APOBEC3C: variants seen among roughly 807,000 people sequenced by gnomAD.
APOBEC3C encodes DNA dC->dU-editing enzyme APOBEC-3C.
APOBEC3C carries 14 observed loss-of-function variants against 20.6 expected under a neutral mutation model. The ratio of observed to expected loss-of-function variants is 0.68; its 90% CI spans 0.45 to 1.06. APOBEC3C has a LOEUF of 1.06. Ranked by LOEUF, APOBEC3C falls within the 50% of genes least tolerant of loss-of-function variation. The probability of loss-of-function intolerance (pLI) is 0.00; values close to 1 mark genes in which losing one functional copy is unlikely to be tolerated. For missense variants in APOBEC3C, 244 were observed against 241.9 expected, an observed-to-expected ratio of 1.01 and a Z score of -0.06; for synonymous variants, 98 against 88.8, an observed-to-expected ratio of 1.10 and a Z score of -0.58.
rs1173247788 is a variant in APOBEC3C at position 39,014,337 on chromosome 22, G to A, written c.-26G>A. On this transcript the variant is annotated 5_prime_UTR_variant, in exon 1 of 4. Transcript: ENST00000361441. ...AGCGCTTCAGAAAAGAGTGGGACAG[G>A]GACAAGCATATCTAAGAGGCTGAAC... 1 of 1,614,154 alleles carries A rather than the reference G, an allele frequency of 6.2e-7. No individual in the cohort carries two copies. The highest frequency in any genetic ancestry group is 1.1e-5 in the South Asian group (1 of 91,082).
intron 1 of APOBEC3C, 36 bp from the exon 2 acceptor site, chr22:39,015,559 G>C: frequency 6.2e-7 from 1 of 1,606,636 alleles, no homozygotes; most frequent in Non-Finnish European, 8.5e-7. Flanking sequence ...CCGGTGCGGG[G>C]GTCTCTGCAT....
Position 39,015,656 on chromosome 22 carries a change from G to A in APOBEC3C, c.79G>A (p.Ala27Thr). 3 of 1,614,146 alleles carry A rather than the reference G, an allele frequency of 1.9e-6. No homozygotes were observed. Among genetic ancestry groups the A allele is most frequent in the Non-Finnish European group, 2.5e-6 (3 of 1,180,032 alleles). The change falls in exon 2 of 4, where the codon GCC becomes ACC. Residue 27 changes from alanine to threonine, a missense_variant. Physicochemically the swap from Ala to Thr is moderately conservative, Grantham distance 58. Transcript: ENST00000361441. ...CTTCCAATTTAAAAACCTATGGGAA[G>A]CCAACGATCGGAACGAAACTTGGCT... ...FYFQFKNLWE[A>T]NDRNETWLCF...
rs367840996 is a variant in APOBEC3C at position 39,015,600 on chromosome 22, C to T, written c.23C>T (p.Pro8Leu). The change falls in exon 2 of 4, where the codon CCG (proline) becomes CTG (leucine). Residue 8 changes from proline to leucine, a missense_variant. Coordinates refer to ENST00000361441, the MANE Select transcript of APOBEC3C (RefSeq NM_014508.3). MNPQIRNPMKAMYPGTFY... is the reference protein window; with the variant it reads MNPQIRNLMKAMYPGTFY... Reference sequence around the variant, plus strand: ...TTTCTCTCTTGTGCCTTCAGAAACCCGATGAAGGCAATGTATCCAGGCACA... The same window carrying T: ...TTTCTCTCTTGTGCCTTCAGAAACCTGATGAAGGCAATGTATCCAGGCACA... The T allele has an allele frequency of 2.4e-5, 39 of 1,613,562 alleles. No individual in the cohort carries two copies. Among genetic ancestry groups the T allele is most frequent in the Non-Finnish European group, 3.2e-5 (38 of 1,179,782 alleles).
At chr22:39,015,842 C>G in intron 2 of APOBEC3C, 91 bp downstream of exon 2, 3 of 1,311,964 alleles carry the variant, frequency 2.3e-6, no homozygotes, top group Middle Eastern at 2.8e-4. Context: ...CCGGCGTGGG[C>G]TCTCCTGTGT....
Position 39,018,342 on chromosome 22 carries a change from C to A in APOBEC3C, c.528C>A (p.Thr176=). 6.2e-7 allele frequency: 1 copy of A among 1,614,106 alleles called. No individual in the cohort carries two copies. Among genetic ancestry groups the A allele is most frequent in the South Asian group, 1.1e-5 (1 of 91,076 alleles). Residue 176 remains threonine, a synonymous_variant, in exon 4 of 4, where the codon ACC becomes ACA. Coordinates refer to ENST00000361441, the MANE Select transcript of APOBEC3C (RefSeq NM_014508.3). ...EPFKPWKGLK[T]NFRLLKRRLR... ...TCAAGCCTTGGAAGGGATTAAAAAC[C>A]AACTTTCGACTTCTGAAAAGAAGGC... is the stretch of plus-strand genomic sequence containing the variant.
rs5757424 is a variant in APOBEC3C, at chr22:39,019,775, A to G, written c.*1388A>G. 0.32 allele frequency: 45,479 copies of G among 141,200 alleles called. 7,301 individuals are homozygous for G. Among genetic ancestry groups the G allele is most frequent in the South Asian group, 0.4 (1,803 of 4,470 alleles). The allele number at this position is 141,200 out of a possible 1,614,324, so 8.7% of individuals were successfully genotyped here. The stretch of plus-strand genomic sequence containing the variant: ...TCCTCTATGCACACGCACCTCTGGG[A>G]TCTCTCTGCCTCCAAATATCATCTT... On this transcript the variant is annotated 3_prime_UTR_variant, in exon 4 of 4. Transcript: ENST00000361441.
In APOBEC3C at chr22:39,014,384, C is replaced by G; in HGVS notation, c.17+5C>G. On this transcript the variant is annotated splice_donor_5th_base_variant and intron_variant, in intron 1 of 3. Coordinates refer to ENST00000361441, the MANE Select transcript of APOBEC3C (RefSeq NM_014508.3). ...GAACATGAATCCACAGATCAGGTAC[C>G]TCTGCACGCTTTGTCCGCCAGGCCC... The G allele has an allele frequency of 6.2e-7, 1 of 1,614,142 alleles. No individual in the cohort carries two copies. Among genetic ancestry groups the G allele is most frequent in the Non-Finnish European group, 8.5e-7 (1 of 1,180,000 alleles).
intron 2 of APOBEC3C, among the ~76,000 whole-genome samples, chr22:39,017,564 T>C (rs1924831383): frequency 6.6e-6 from 1 of 152,072 alleles, no homozygotes; most frequent in South Asian, 2.1e-4. Flanking sequence ...TCCTTGAGCC[T>C]GGGAGGTCAA....
At chr22:39,014,449 G>GC in intron 1 of APOBEC3C, 70 bp downstream of exon 1, 1 of 1,604,686 alleles carries the variant, frequency 6.2e-7, no homozygotes, top group Non-Finnish European at 8.5e-7. Context: ...CTGGGCCTCA[G>GC]CCCTGGCCTC....
intron 2 of APOBEC3C, among the ~76,000 whole-genome samples, chr22:39,016,712 G>C (rs1251087323): frequency 6.6e-6 from 1 of 152,206 alleles, no homozygotes; most frequent in Non-Finnish European, 1.5e-5. Flanking sequence ...TGGGAAGCGG[G>C]GGGTGTTGTG....
At chr22:39,016,962 G>A (rs900497026) in intron 2 of APOBEC3C, among the ~76,000 whole-genome samples, 14 of 152,226 alleles carry the variant, frequency 9.2e-5, no homozygotes, top group African/African-American at 3.1e-4. Context: ...GGCACGGCGC[G>A]GTGGCTCATG....
In APOBEC3C at chr22:39,018,373, G is replaced by T; in HGVS notation, c.559G>T (p.Glu187Ter). 6.2e-7 allele frequency: 1 copy of T among 1,613,950 alleles called. No homozygotes were observed. Among genetic ancestry groups the T allele is most frequent in the Non-Finnish European group, 8.5e-7 (1 of 1,179,916 alleles). Residue 187 changes from glutamate to a stop codon, truncating the protein, a stop_gained, in exon 4 of 4, where the codon GAG (glutamate) becomes TAG (stop). Coordinates refer to ENST00000361441, the MANE Select transcript of APOBEC3C (RefSeq NM_014508.3). LOFTEE classifies it high-confidence loss of function. ...NFRLLKRRLR[E>*]SLQ Reference sequence around the variant, plus strand: ...TCGACTTCTGAAAAGAAGGCTACGGGAGAGTCTCCAGTGAGGGGTCTCCCT... The same window carrying T: ...TCGACTTCTGAAAAGAAGGCTACGGTAGAGTCTCCAGTGAGGGGTCTCCCT...
chr22:39,015,183 C>T (rs917935344), intron 1 of APOBEC3C, among the ~76,000 whole-genome samples: 1 of 151,872 alleles, frequency 6.6e-6, no homozygotes, highest in South Asian at 2.1e-4. Context: ...TCTGTAATCC[C>T]AGCTACTTGG....
At position 39,014,389 on chromosome 22, in the gene APOBEC3C, C is replaced by A; in HGVS notation, c.17+10C>A. 6.2e-7 allele frequency: 1 copy of A among 1,614,140 alleles called. No individual in the cohort carries two copies. Among genetic ancestry groups the A allele is most frequent in the Non-Finnish European group, 8.5e-7 (1 of 1,180,022 alleles). On this transcript the variant is annotated intron_variant, in intron 1 of 3. Coordinates refer to ENST00000361441, the MANE Select transcript of APOBEC3C (RefSeq NM_014508.3). ...TGAATCCACAGATCAGGTACCTCTG[C>A]ACGCTTTGTCCGCCAGGCCCCTCCT... is the stretch of plus-strand genomic sequence containing the variant.
chr22:39,018,398 TG>T lies in APOBEC3C; in HGVS notation c.*14del, dbSNP rs773164498. Reference sequence around the variant, plus strand: ...GAGAGTCTCCAGTGAGGGGTCTCCCTGGGCCTCATGGTCTGTCTCCTCTAGC... The same window carrying T: ...GAGAGTCTCCAGTGAGGGGTCTCCCTGGCCTCATGGTCTGTCTCCTCTAGC... On this transcript the variant is annotated 3_prime_UTR_variant, in exon 4 of 4. Coordinates refer to ENST00000361441, the MANE Select transcript of APOBEC3C (RefSeq NM_014508.3). The T allele has an allele frequency of 5.0e-6, 8 of 1,611,472 alleles. No homozygotes were observed. In the East Asian group the frequency reaches 1.8e-4, roughly 36 times the overall value.
chr22:39,014,383 C>CCTCT lies in APOBEC3C; in HGVS notation c.17+5_17+8dup. On this transcript the variant is annotated splice_donor_region_variant and intron_variant, in intron 1 of 3. Coordinates refer to ENST00000361441, the MANE Select transcript of APOBEC3C (RefSeq NM_014508.3). ...TGAACATGAATCCACAGATCAGGTA[C>CCTCT]CTCTGCACGCTTTGTCCGCCAGGCC... 1 of 1,614,166 alleles carries CCTCT rather than the reference C, an allele frequency of 6.2e-7. No individual in the cohort carries two copies. Among genetic ancestry groups the CCTCT allele is most frequent in the Non-Finnish European group, 8.5e-7 (1 of 1,180,014 alleles).
At position 39,015,675 on chromosome 22, in the gene APOBEC3C, C is replaced by G. The variant is rs1924754461; in HGVS notation, c.98C>G (p.Thr33Ser). ...NLWEANDRNETWLCFTVEGIK... is the reference protein window; with the variant it reads ...NLWEANDRNESWLCFTVEGIK... ...TGGGAAGCCAACGATCGGAACGAAA[C>G]TTGGCTGTGCTTCACCGTGGAAGGT... The change falls in exon 2 of 4, where the codon ACT becomes AGT. Residue 33 changes from threonine to serine, a missense_variant. Transcript: ENST00000361441. The G allele has an allele frequency of 6.2e-7, 1 of 1,614,134 alleles. No homozygotes were observed.
Position 39,015,711 on chromosome 22 carries a change from G to A in APOBEC3C, c.134G>A (p.Arg45His), listed in dbSNP as rs376538641. 53 of 1,613,934 alleles carry A rather than the reference G, an allele frequency of 3.3e-5. No homozygotes were observed. Among genetic ancestry groups the A allele is most frequent in the African/African-American group, 8.0e-5 (6 of 74,882 alleles). ...TTCACCGTGGAAGGTATAAAGCGCCGCTCAGTTGTCTCCTGGAAGACGGGC... is the reference window on the plus strand; with the variant it reads ...TTCACCGTGGAAGGTATAAAGCGCCACTCAGTTGTCTCCTGGAAGACGGGC... ...LCFTVEGIKR[R>H]SVVSWKTGVF... The change falls in exon 2 of 4, where the codon CGC becomes CAC. Residue 45 changes from arginine to histidine, a missense_variant. Transcript: ENST00000361441.
rs908247693 is a variant in APOBEC3C, at chr22:39,017,967, T to C, written c.376T>C (p.Phe126Leu). The C allele has an allele frequency of 1.2e-6, 2 of 1,614,074 alleles. No homozygotes were observed. Among genetic ancestry groups the C allele is most frequent in the Admixed American group, 1.7e-5 (1 of 60,000 alleles). Residue 126 changes from phenylalanine to leucine, a missense_variant, in exon 3 of 4, where the codon TTC becomes CTC. Phe to Leu is a conservative substitution (Grantham distance 22, BLOSUM62 0). Transcript: ENST00000361441. The part of the protein sequence containing the change: ...LTIFTARLYY[F>L]QYPCYQEGLR... ...CATCTTCACCGCCCGCCTCTACTACTTCCAGTATCCATGTTACCAGGAGGG... is the reference window on the plus strand; with the variant it reads ...CATCTTCACCGCCCGCCTCTACTACCTCCAGTATCCATGTTACCAGGAGGG...
Sources: allele counts gnomAD v4.1 joint callset (sites outside exome capture counted in the v4.1 genomes callset), GRCh38; gene constraint gnomAD v4.1.1; transcripts MANE v1.5; gene names NCBI Gene and HGNC (gene_info 2026-07-23, HGNC 2026-07-21).